The following PTPRD variants were observed in gnomAD, a reference collection of about 807,000 sequenced individuals.
The protein encoded by PTPRD is receptor-type tyrosine-protein phosphatase delta.
A neutral mutation model predicts 214.5 loss-of-function variants in PTPRD; 34 were observed. The observed-to-expected ratio is 0.16, with a 90% CI of 0.12 to 0.21. The LOEUF is 0.21. PTPRD is among the 10% of genes least tolerant of loss of function. The pLI is 1.00. For missense variants in PTPRD, 2,545 were observed against 2,398.7 expected, an observed-to-expected ratio of 1.06 and a Z score of -1.27; for synonymous variants, 1,128 against 845.7, an observed-to-expected ratio of 1.33 and a Z score of -5.79.
At chr9:8,379,554 C>G (rs1444745738) in intron 37 of PTPRD, among the ~76,000 whole-genome samples, 1 of 152,104 alleles carries the variant, frequency 6.6e-6, no homozygotes, top group South Asian at 2.1e-4. Flanking sequence ...GATATTTTTT[C>G]TTTCCTCATT....
intron 9 of PTPRD, among the ~76,000 whole-genome samples, chr9:9,379,723 T>C (rs1171811864): frequency 6.6e-6 from 1 of 152,016 alleles, no homozygotes; most frequent in African/African-American, 2.4e-5. Context: ...TATAGTTTTG[T>C]AGTTTTCCTC....
intron 11 of PTPRD, among the ~76,000 whole-genome samples, chr9:8,965,632 A>T (rs10977407): frequency 6.6e-6 from 1 of 151,908 alleles, no homozygotes; most frequent in South Asian, 2.1e-4. Context: ...AGTAAGGAAG[A>T]TTCCTTAAAA....
At chr9:9,811,813 G>C (rs1320367442) in intron 5 of PTPRD, among the ~76,000 whole-genome samples, 1 of 152,200 alleles carries the variant, frequency 6.6e-6, no homozygotes, top group Non-Finnish European at 1.5e-5. Flanking sequence ...CATAAACCTA[G>C]TTAATAAAGC....
intron 7 of PTPRD, among the ~76,000 whole-genome samples, chr9:9,642,363 T>A (rs1301428380): frequency 6.6e-6 from 1 of 150,966 alleles, no homozygotes; most frequent in Non-Finnish European, 1.5e-5. Context: ...CATGTATACA[T>A]ATGTAACTAA....
At chr9:10,473,448 G>T (rs2099043863) in intron 2 of PTPRD, among the ~76,000 whole-genome samples, 1 of 152,040 alleles carries the variant, frequency 6.6e-6, no homozygotes, top group Non-Finnish European at 1.5e-5. Context: ...CTTGGAAGAA[G>T]AGATAATCTA....
intron 10 of PTPRD, among the ~76,000 whole-genome samples, chr9:9,161,547 A>T (rs1002127825): frequency 4.6e-5 from 7 of 152,148 alleles, no homozygotes; most frequent in African/African-American, 1.7e-4. Context: ...TAAAATGAGA[A>T]GCTAGAGATG....
At chr9:9,714,089 CAAAAAA>C (rs5896350) in intron 7 of PTPRD, among the ~76,000 whole-genome samples, 1 of 126,972 alleles carries the variant, frequency 7.9e-6, no homozygotes. Context: ...TTCACTTGCG[CAAAAAA>C]AAAAAAAAAA....
intron 9 of PTPRD, among the ~76,000 whole-genome samples, chr9:9,348,801 G>A (rs1175559203): frequency 6.6e-6 from 1 of 152,048 alleles, no homozygotes; most frequent in Non-Finnish European, 1.5e-5. Flanking sequence ...GATTATAACA[G>A]CTCTGAAGAC....
chr9:9,783,306 T>A (rs2098876678), intron 5 of PTPRD, among the ~76,000 whole-genome samples: 1 of 152,160 alleles, frequency 6.6e-6, no homozygotes, highest in Admixed American at 6.5e-5. Flanking sequence ...GAGGAAAATT[T>A]CCAATTTCTT....
intron 2 of PTPRD, among the ~76,000 whole-genome samples, chr9:10,426,811 G>A (rs1393772818): frequency 4.6e-5 from 7 of 152,016 alleles, no homozygotes; most frequent in Non-Finnish European, 1.0e-4. Context: ...TAGCCAAAAC[G>A]CATCACACAA....
At chr9:9,310,443 C>G (rs991870831) in intron 9 of PTPRD, among the ~76,000 whole-genome samples, 1 of 152,096 alleles carries the variant, frequency 6.6e-6, no homozygotes, top group Non-Finnish European at 1.5e-5. Context: ...CCTGTACTAT[C>G]TACAAGTGAA....
chr9:9,890,333 A>T (rs2072812214), intron 5 of PTPRD, among the ~76,000 whole-genome samples: 1 of 151,610 alleles, frequency 6.6e-6, no homozygotes, highest in Admixed American at 6.6e-5. Flanking sequence ...AATACCTGTA[A>T]CTACAAGTGT....
chr9:9,985,407 C>T (rs985220430), intron 4 of PTPRD, among the ~76,000 whole-genome samples: 3 of 152,138 alleles, frequency 2.0e-5, no homozygotes, highest in Non-Finnish European at 4.4e-5. Flanking sequence ...GTAGCCATTA[C>T]TACTCTGCCA....
intron 11 of PTPRD, among the ~76,000 whole-genome samples, chr9:8,956,820 T>A (rs1262820601): frequency 3.3e-5 from 5 of 151,872 alleles, no homozygotes; most frequent in African/African-American, 7.2e-5. Context: ...TCTCAGTGAA[T>A]CTTAACCCTT....
At chr9:9,973,234 G>A (rs192447093) in intron 4 of PTPRD, among the ~76,000 whole-genome samples, 6 of 151,398 alleles carry the variant, frequency 4.0e-5, no homozygotes, top group African/African-American at 7.3e-5. Context: ...AGGCCAAAGC[G>A]GGAGGATTGC....
At chr9:9,488,039 T>C (rs890585083) in intron 8 of PTPRD, among the ~76,000 whole-genome samples, 4 of 152,222 alleles carry the variant, frequency 2.6e-5, no homozygotes, top group African/African-American at 9.6e-5. Context: ...AGGTAGACTT[T>C]CCTGGATTGT....
chr9:9,775,039 AG>A (rs1202783565), intron 5 of PTPRD, among the ~76,000 whole-genome samples: 2 of 152,188 alleles, frequency 1.3e-5, no homozygotes, highest in Non-Finnish European at 2.9e-5. Context: ...AGATGAAGGA[AG>A]TAAGTCCCTC....
chr9:9,564,884 GTT>G (rs1191664969), intron 8 of PTPRD, among the ~76,000 whole-genome samples: 24 of 48,850 alleles, frequency 4.9e-4, no homozygotes, highest in African/African-American at 1.6e-3. Context: ...TGAATCTTCT[GTT>G]TTTTTTTTTT....
intron 5 of PTPRD, among the ~76,000 whole-genome samples, chr9:9,895,896 G>C (rs1293655964): frequency 6.6e-6 from 1 of 151,892 alleles, no homozygotes; most frequent in Non-Finnish European, 1.5e-5. Context: ...GATGAATAAA[G>C]TCATTTTTCA....
Sources: gnomAD v4.1 joint callset for allele counts (sites outside exome capture counted in the v4.1 genomes callset) on GRCh38, gnomAD v4.1.1 for gene constraint, MANE v1.5 for transcripts, NCBI Gene and HGNC (gene_info 2026-07-23, HGNC 2026-07-21) for gene names.